ZSCAN25: variants seen among roughly 807,000 people sequenced by gnomAD.
ZSCAN25 encodes the protein zinc finger and SCAN domain-containing protein 25.
In ZSCAN25, 27 loss-of-function variants were observed where a neutral mutation model predicts 38.7. The ratio of observed to expected loss-of-function variants is 0.70; its 90% CI spans 0.51 to 0.96. The LOEUF (loss-of-function observed/expected upper bound fraction) is 0.96. Ranked by LOEUF, ZSCAN25 falls within the 40% of genes least tolerant of loss-of-function variation. The probability of loss-of-function intolerance (pLI) is 0.00; values close to 1 mark genes in which losing one functional copy is unlikely to be tolerated. For synonymous variants in ZSCAN25, 273 were observed against 277.7 expected, an observed-to-expected ratio of 0.98 and a Z score of 0.17; for missense variants, 637 against 705.9, an observed-to-expected ratio of 0.90 and a Z score of 1.11.
downstream of ZSCAN25, among the ~76,000 whole-genome samples, chr7:99,636,585 C>A (rs1562976652): frequency 6.6e-6 from 1 of 152,174 alleles, no homozygotes; most frequent in East Asian, 1.9e-4. Flanking sequence ...CACTCATAAA[C>A]AAAACCCACT....
At chr7:99,638,780 T>C in the ZSCAN25 span, 2 of 952,210 alleles carry the variant, frequency 2.1e-6, no homozygotes, top group Admixed American at 3.5e-5. Flanking sequence ...TCAGAGAAGC[T>C]GGGGCCAGGG....
chr7:99,734,247 A>G, the ZSCAN25 span, among the ~76,000 whole-genome samples: 1 of 152,194 alleles, frequency 6.6e-6, no homozygotes, highest in Admixed American at 6.5e-5. Context: ...TACTCTTAAT[A>G]ACTGTGAAAT....
the ZSCAN25 span, among the ~76,000 whole-genome samples, chr7:99,705,796 A>G: frequency 7.7e-4 from 118 of 152,354 alleles, no homozygotes; most frequent in East Asian, 0.017. Flanking sequence ...ATCATCTATC[A>G]TTTAACAAAA....
the ZSCAN25 span, among the ~76,000 whole-genome samples, chr7:99,726,158 C>T: frequency 6.6e-6 from 1 of 152,100 alleles, no homozygotes; most frequent in Non-Finnish European, 1.5e-5. Context: ...CACCTTAACC[C>T]ACAGGTATGG....
At chr7:99,684,691 GGTT>G in the ZSCAN25 span, among the ~76,000 whole-genome samples, 2 of 152,024 alleles carry the variant, frequency 1.3e-5, no homozygotes, top group African/African-American at 4.8e-5. Context: ...TTTTGTAAGA[GGTT>G]TTTATTGATT....
the ZSCAN25 span, among the ~76,000 whole-genome samples, chr7:99,728,666 A>G: frequency 3.9e-5 from 6 of 152,186 alleles, no homozygotes; most frequent in Non-Finnish European, 8.8e-5. Context: ...AATTGAAAAA[A>G]TTCAATTTGC....
At chr7:99,688,699 C>G in the ZSCAN25 span, among the ~76,000 whole-genome samples, 5 of 152,164 alleles carry the variant, frequency 3.3e-5, no homozygotes, top group African/African-American at 1.2e-4. Context: ...AACTCTCCAC[C>G]CCAAATCAAC....
chr7:99,646,902 A>G, the ZSCAN25 span, among the ~76,000 whole-genome samples: 2 of 151,496 alleles, frequency 1.3e-5, no homozygotes, highest in African/African-American at 2.4e-5. Flanking sequence ...TCTATTATCT[A>G]TCTATCATCT....
chr7:99,631,326 A>G lies in ZSCAN25; in HGVS notation c.*1306A>G. 2.0e-6 allele frequency: 2 copies of G among 985,404 alleles called. No individual in the cohort carries two copies. Among genetic ancestry groups the G allele is most frequent in the Non-Finnish European group, 1.2e-6 (1 of 829,914 alleles). The allele number at this position is 985,404 out of a possible 1,614,324, so 61.0% of individuals were successfully genotyped here. ...ACCTGTTTTGCATGAGTGCCAAGTCAGGAAAAATAAAGATATTTGTAGGCA... is the reference window on the plus strand; with the variant it reads ...ACCTGTTTTGCATGAGTGCCAAGTCGGGAAAAATAAAGATATTTGTAGGCA... On this transcript the variant is annotated 3_prime_UTR_variant, in exon 8 of 8. Coordinates refer to ENST00000394152, the MANE Select transcript of ZSCAN25 (RefSeq NM_145115.3).
At chr7:99,685,633 C>G in the ZSCAN25 span, among the ~76,000 whole-genome samples, 3 of 152,180 alleles carry the variant, frequency 2.0e-5, no homozygotes, top group East Asian at 3.9e-4. Flanking sequence ...TCTTCACAGC[C>G]TGCTTTATTT....
At chr7:99,651,241 C>T in the ZSCAN25 span, among the ~76,000 whole-genome samples, 1 of 152,094 alleles carries the variant, frequency 6.6e-6, no homozygotes, top group Non-Finnish European at 1.5e-5. Flanking sequence ...GTGTATATGT[C>T]AAACATTCTC....
chr7:99,713,403 AT>A, the ZSCAN25 span: 1 of 1,606,814 alleles, frequency 6.2e-7, no homozygotes, highest in Non-Finnish European at 8.5e-7. Context: ...CTTCCTGCAC[AT>A]TTTCAGAACA....
the ZSCAN25 span, chr7:99,708,979 G>GAA: frequency 2.5e-6 from 4 of 1,591,520 alleles, no homozygotes; most frequent in African/African-American, 5.4e-5. Context: ...TAGAGAGGCA[G>GAA]AATATGCTTG....
At chr7:99,704,445 C>T in the ZSCAN25 span, among the ~76,000 whole-genome samples, 1 of 152,002 alleles carries the variant, frequency 6.6e-6, no homozygotes, top group African/African-American at 2.4e-5. Context: ...CGTGTGCCAC[C>T]ATACCTAGCT....
chr7:99,720,373 A>T, the ZSCAN25 span: 1 of 1,613,808 alleles, frequency 6.2e-7, no homozygotes, highest in South Asian at 1.1e-5. Flanking sequence ...TCATGTCGGG[A>T]TCTGTGATAG....
chr7:99,710,680 T>A, the ZSCAN25 span: 1 of 1,613,292 alleles, frequency 6.2e-7, no homozygotes, highest in Non-Finnish European at 8.5e-7. Context: ...TGAGGAAGCA[T>A]CTTTGCTAAG....
At chr7:99,708,378 A>G in the ZSCAN25 span, among the ~76,000 whole-genome samples, 2 of 152,108 alleles carry the variant, frequency 1.3e-5, no homozygotes, top group African/African-American at 4.8e-5. Context: ...GTCTTGCACT[A>G]CTTCAAAATT....
the ZSCAN25 span, among the ~76,000 whole-genome samples, chr7:99,682,567 C>A: frequency 1.3e-5 from 2 of 151,496 alleles, no homozygotes; most frequent in Non-Finnish European, 2.9e-5. Context: ...ATGATTCCTC[C>A]AGTTTTGTTC....
the ZSCAN25 span, among the ~76,000 whole-genome samples, chr7:99,702,801 G>A: frequency 5.3e-5 from 8 of 152,234 alleles, no homozygotes; most frequent in Middle Eastern, 6.8e-3. Context: ...TTGGTATTTT[G>A]AGGGATTGCA....
Sources: gnomAD v4.1 joint callset for allele counts (sites outside exome capture counted in the v4.1 genomes callset) on GRCh38, gnomAD v4.1.1 for gene constraint, MANE v1.5 for transcripts, NCBI Gene and HGNC (gene_info 2026-07-23, HGNC 2026-07-21) for gene names.